The following RIDA variants were observed in gnomAD, a reference collection of about 807,000 sequenced individuals.
RIDA encodes 2-iminobutanoate/2-iminopropanoate deaminase.
A neutral mutation model predicts 17.8 loss-of-function variants in RIDA; 17 were observed. That is an observed-to-expected ratio of 0.96 (90% CI 0.65 to 1.43). RIDA has a LOEUF of 1.43. Among genes scored for constraint, RIDA ranks in the 40% most tolerant of loss-of-function variants. The pLI is 0.00. For missense variants in RIDA, 158 were observed against 161.7 expected (o/e 0.98, Z 0.12); for synonymous variants, 48 against 55.7 (o/e 0.86, Z 0.62).
chr8:98,114,129 G>A (rs1445634498), intron 1 of RIDA, among the ~76,000 whole-genome samples: 1 of 151,844 alleles, frequency 6.6e-6, no homozygotes, highest in Non-Finnish European at 1.5e-5. Context: ...GGGAGGTTGA[G>A]GCGACAATAA....
At chr8:98,110,089 A>G (rs561515175) in intron 1 of RIDA, among the ~76,000 whole-genome samples, 1 of 152,350 alleles carries the variant, frequency 6.6e-6, no homozygotes, top group East Asian at 1.9e-4. Context: ...GAAACCTTAG[A>G]AAAGAAAATA....
At chr8:98,106,652 G>A (rs938072777) in intron 2 of RIDA, 10 of 218,882 alleles carry the variant, frequency 4.6e-5, no homozygotes, top group Non-Finnish European at 9.1e-6. Context: ...GGATAAGGAT[G>A]AGCTAGTAAG....
At chr8:98,116,901 G>C in intron 1 of RIDA, 131 bp downstream of exon 1, 1 of 717,898 alleles carries the variant, frequency 1.4e-6, no homozygotes, top group African/African-American at 1.8e-5. Flanking sequence ...GTGGGTCTTC[G>C]GGCGCGTTGC....
At chr8:98,110,594 C>A (rs1815713515) in intron 1 of RIDA, among the ~76,000 whole-genome samples, 1 of 152,128 alleles carries the variant, frequency 6.6e-6, no homozygotes, top group Admixed American at 6.6e-5. Flanking sequence ...TAACTTATAC[C>A]TCAATATAGC....
At chr8:98,104,638 T>G in intron 4 of RIDA, 94 bp from the exon 5 acceptor site, 2 of 722,994 alleles carry the variant, frequency 2.8e-6, no homozygotes, top group Admixed American at 4.6e-5. Flanking sequence ...GATATTCTAT[T>G]GTTATTCAAT....
At chr8:98,105,368 T>C (rs1025655682) in intron 4 of RIDA, among the ~76,000 whole-genome samples, 10 of 152,178 alleles carry the variant, frequency 6.6e-5, no homozygotes, top group African/African-American at 2.2e-4. Context: ...CCATTAGGTG[T>C]TGGGGACACC....
At chr8:98,109,956 T>C (rs1262637863) in intron 1 of RIDA, among the ~76,000 whole-genome samples, 2 of 152,090 alleles carry the variant, frequency 1.3e-5, no homozygotes, top group Admixed American at 1.3e-4. Flanking sequence ...TGAAAACATA[T>C]GTCCAAAGAG....
At chr8:98,114,537 T>C (rs1308790001) in intron 1 of RIDA, among the ~76,000 whole-genome samples, 1 of 151,108 alleles carries the variant, frequency 6.6e-6, no homozygotes, top group Admixed American at 6.6e-5. Context: ...GGTTTCACCA[T>C]CTTGGCCAGG....
chr8:98,108,565 AT>A (rs1815666672), intron 2 of RIDA, 80 bp downstream of exon 2: 2 of 838,270 alleles, frequency 2.4e-6, no homozygotes, highest in South Asian at 2.7e-5. Context: ...TATAAAACAA[AT>A]CAGGCAAGTG....
intron 5 of RIDA, 71 bp from the exon 6 acceptor site, chr8:98,102,975 A>G: frequency 9.8e-7 from 1 of 1,021,770 alleles, no homozygotes; most frequent in South Asian, 1.4e-5. Context: ...ACCTACTAAA[A>G]ACATGCAACC....
chr8:98,113,550 C>CTT (rs5893453), intron 1 of RIDA: 68,976 of 151,756 alleles, frequency 0.45, 15,886 homozygotes, highest in Admixed American at 0.51. Flanking sequence ...TGGCTGGTGG[C>CTT]TTTTTTTCTT....
rs532401106 is a variant in RIDA at position 98,110,951 on chromosome 8, T to C, written c.66-2200A>G. Reference sequence around the variant, plus strand: ...CTCTCTTGCTTGCCATCATATACGATGTGCCTCTTCCCCTTCCGCCATTAT... The same window carrying C: ...CTCTCTTGCTTGCCATCATATACGACGTGCCTCTTCCCCTTCCGCCATTAT... On this transcript the variant is annotated intron_variant, in intron 1 of 5. Coordinates refer to ENST00000254878, the MANE Select transcript of RIDA (RefSeq NM_005836.3). 3.9e-5 allele frequency among the ~76,000 whole-genome samples: 6 copies of C among 152,316 alleles called. No homozygotes were observed. In the South Asian group the frequency reaches 1.2e-3, roughly 32 times the overall value.
intron 2 of RIDA, among the ~76,000 whole-genome samples, chr8:98,107,660 C>A (rs562363741): frequency 1.3e-5 from 2 of 152,124 alleles, no homozygotes; most frequent in Admixed American, 6.5e-5. Context: ...TGCAGTGGCA[C>A]GATCTTGGCT....
intron 1 of RIDA, 121 bp downstream of exon 1, chr8:98,116,911 C>T (rs1178664664): frequency 8.8e-6 from 7 of 798,230 alleles, no homozygotes; most frequent in Non-Finnish European, 1.4e-5. Context: ...GGGCGCGTTG[C>T]TTACTTTCCA....
rs1436573540 is a variant in RIDA, at chr8:98,117,153, G to A, written c.-57C>T. ...GAGAAGAAGCCCCAGCACCAGCCCT[G>A]CTGGCTTCTTACTGGACTGACCAAC... On this transcript the variant is annotated 5_prime_UTR_variant, in exon 1 of 6. Transcript: ENST00000254878. 6.5e-7 allele frequency: 1 copy of A among 1,534,134 alleles called. No homozygotes were observed. Among genetic ancestry groups the A allele is most frequent in the South Asian group, 1.1e-5 (1 of 89,494 alleles).
rs1161114734 is a variant in RIDA, at chr8:98,104,517, GC to G, written c.322del (p.Ala108LeufsTer19). Reference sequence around the variant, plus strand: ...GGGTAAAGCAGCAACTTGGTAAGCAGCTCTAGCAGGAAAATTACTCTTGAAA... The same window carrying G: ...GGGTAAAGCAGCAACTTGGTAAGCAGTCTAGCAGGAAAATTACTCTTGAAA... ...QYFKSNFPARAAYQVAALPKG... is the reference protein window; with the variant it reads ...QYFKSNFPARXAYQVAALPKG... On this transcript the variant is annotated frameshift_variant, in exon 5 of 6. Coordinates refer to ENST00000254878, the MANE Select transcript of RIDA (RefSeq NM_005836.3). LOFTEE classifies it high-confidence loss of function. 1.3e-6 allele frequency: 2 copies of G among 1,591,742 alleles called. No homozygotes were observed. The highest frequency in any genetic ancestry group is 2.7e-5 in the African/African-American group (2 of 74,414).
chr8:98,111,589 G>C (rs1319902739), intron 1 of RIDA, among the ~76,000 whole-genome samples: 1 of 148,446 alleles, frequency 6.7e-6, no homozygotes, highest in Non-Finnish European at 1.5e-5. Context: ...CTGGGCAACA[G>C]AGCAAGACTC....
At chr8:98,106,893 G>A (rs1051404308) in intron 2 of RIDA, among the ~76,000 whole-genome samples, 4 of 151,938 alleles carry the variant, frequency 2.6e-5, no homozygotes, top group Non-Finnish European at 5.9e-5. Flanking sequence ...ACATGGATAT[G>A]GCAACAACAA....
intron 1 of RIDA, among the ~76,000 whole-genome samples, chr8:98,115,401 AAAAAAAAAAAAAAAG>A (rs200690686): frequency 0.16 from 23,422 of 148,932 alleles, 2,286 homozygotes; most frequent in East Asian, 0.36. Context: ...AAAAAAAAAA[AAAAAAAAAAAAAAAG>A]GGATAGTGCC....
Sources: gnomAD v4.1 joint callset for allele counts (sites outside exome capture counted in the v4.1 genomes callset) on GRCh38, gnomAD v4.1.1 for gene constraint, MANE v1.5 for transcripts, NCBI Gene and HGNC (gene_info 2026-07-23, HGNC 2026-07-21) for gene names.